EGLN1: variants seen among roughly 807,000 people sequenced by gnomAD.
The protein encoded by EGLN1 is egl-9 family hypoxia inducible factor 1, also known as egl nine homolog 1.
A neutral mutation model predicts 38.3 loss-of-function variants in EGLN1; 17 were observed. The ratio of observed to expected loss-of-function variants is 0.44; its 90% confidence interval spans 0.30 to 0.67. EGLN1 has a LOEUF of 0.67. Among genes scored for constraint, EGLN1 ranks in the 30% least tolerant of loss-of-function variants. EGLN1 has a pLI of 0.08. For synonymous variants in EGLN1, 283 were observed against 257.5 expected, an observed-to-expected ratio of 1.10 and a Z score of -0.95; for missense variants, 477 against 603.3, an observed-to-expected ratio of 0.79 and a Z score of 2.19.
Position 231,421,842 on chromosome 1 carries a change from C to A in EGLN1, c.47G>T (p.Arg16Leu). The change falls in exon 1 of 5, where the codon CGA (arginine) becomes CTA (leucine). Residue 16 changes from arginine to leucine, a missense_variant. Coordinates refer to ENST00000366641, the MANE Select transcript of EGLN1 (RefSeq NM_022051.3). This position sits in a 1 kb window ranked among gnomAD's most constrained non-coding sequence, Gnocchi z 5.5. ...GGPGGPSPSE[R>L]DRQYCELCGK... ...GCACAGCTCGCAGTACTGCCGGTCT[C>A]GCTCGCTCGGGCTCGGCCCGCCGGG... 2 of 1,513,742 alleles carry A rather than the reference C, an allele frequency of 1.3e-6. No homozygotes were observed. Among genetic ancestry groups the A allele is most frequent in the East Asian group, 2.8e-5 (1 of 36,316 alleles). 93.8% of individuals were successfully genotyped at this position (1,513,742 alleles called of 1,614,324 possible).
At chr1:231,367,469 T>C (rs1033222073) in intron 4 of EGLN1, 100 bp downstream of exon 4, 25 of 1,168,182 alleles carry the variant, frequency 2.1e-5, no homozygotes, top group Non-Finnish European at 2.8e-5. Context: ...AAAGTAAGTA[T>C]TCATGGTGTT....
chr1:231,386,546 A>G (rs1338006448), intron 1 of EGLN1, among the ~76,000 whole-genome samples: 1 of 104,020 alleles, frequency 9.6e-6, no homozygotes, highest in Non-Finnish European at 2.5e-5. Context: ...CATTCTTAGA[A>G]AAGTTACTTA....
intron 1 of EGLN1, among the ~76,000 whole-genome samples, chr1:231,383,574 A>C (rs1420241854): frequency 6.6e-6 from 1 of 152,258 alleles, no homozygotes; most frequent in Admixed American, 6.5e-5. Flanking sequence ...TACAGGGAAA[A>C]GAATATTTGC....
At chr1:231,401,761 G>A (rs1688669743) in intron 1 of EGLN1, among the ~76,000 whole-genome samples, 1 of 152,108 alleles carries the variant, frequency 6.6e-6, no homozygotes, top group African/African-American at 2.4e-5. Context: ...TATTTTTGGT[G>A]ATAATGAATA....
At chr1:231,373,230 T>G (rs2790893) in intron 2 of EGLN1, among the ~76,000 whole-genome samples, 83,058 of 151,934 alleles carry the variant, frequency 0.55, 24,328 homozygotes, top group Middle Eastern at 0.66. Flanking sequence ...AGGGAAAGAC[T>G]GAATCCTGCC....
chr1:231,401,445 T>C (rs542536481), intron 1 of EGLN1, among the ~76,000 whole-genome samples: 27 of 152,280 alleles, frequency 1.8e-4, no homozygotes, highest in African/African-American at 5.8e-4. Context: ...CCAGCAATTA[T>C]AGTCTAGAAA....
chr1:231,379,008 C>A (rs953248313), intron 1 of EGLN1, among the ~76,000 whole-genome samples: 1 of 152,042 alleles, frequency 6.6e-6, no homozygotes, highest in Admixed American at 6.6e-5. Context: ...TTACAGCAAA[C>A]CTTAGGTAGG....
intron 1 of EGLN1, among the ~76,000 whole-genome samples, chr1:231,385,313 G>C (rs575666868): frequency 2.0e-5 from 3 of 152,190 alleles, no homozygotes; most frequent in Non-Finnish European, 4.4e-5. Context: ...TAGGAAGTGT[G>C]AGTAGAACAG....
At chr1:231,400,441 CTA>C (rs1178741382) in intron 1 of EGLN1, among the ~76,000 whole-genome samples, 6 of 152,148 alleles carry the variant, frequency 3.9e-5, no homozygotes, top group African/African-American at 1.2e-4. Flanking sequence ...CTTACAGAAA[CTA>C]TGACACCCTC....
chr1:231,392,241 C>T (rs1441372797), intron 1 of EGLN1, among the ~76,000 whole-genome samples: 2 of 151,918 alleles, frequency 1.3e-5, no homozygotes, highest in African/African-American at 2.4e-5. Context: ...TAGCCGAGAT[C>T]GCGCCACTGC....
At chr1:231,406,972 C>T (rs1399633068) in intron 1 of EGLN1, among the ~76,000 whole-genome samples, 1 of 152,114 alleles carries the variant, frequency 6.6e-6, no homozygotes, top group Non-Finnish European at 1.5e-5. Flanking sequence ...TTGTAACCAC[C>T]CAAAACTACA....
In EGLN1 at chr1:231,421,661, G is replaced by T; in HGVS notation, c.228C>A (p.Gly76=). 2 of 1,466,166 alleles carry T rather than the reference G, an allele frequency of 1.4e-6. No homozygotes were observed. Among genetic ancestry groups the T allele is most frequent in the South Asian group, 2.6e-5 (2 of 77,042 alleles). 90.8% of individuals were successfully genotyped at this position (1,466,166 alleles called of 1,614,324 possible). ...GCGGCACTGCAGCCGGCGGCGCGGG[G>T]CCGGAATGCTGGTGTGGGCCCACTC... The part of the protein sequence containing the change: ...GHGVGPHQHS[G]PAPPAAVPPP... Residue 76 remains glycine (G), a synonymous_variant, in exon 1 of 5, where the codon GGC becomes GGA. Coordinates refer to ENST00000366641, the MANE Select transcript of EGLN1 (RefSeq NM_022051.3). The surrounding 1 kb of genome is among the most constrained non-coding windows in gnomAD (Gnocchi z 5.5).
At position 231,421,662 on chromosome 1, in the gene EGLN1, C is replaced by A. The variant is rs367712964; in HGVS notation, c.227G>T (p.Gly76Val). ...GHGVGPHQHS[G>V]PAPPAAVPPP... ...CGGCACTGCAGCCGGCGGCGCGGGG[C>A]CGGAATGCTGGTGTGGGCCCACTCC... Residue 76 changes from glycine (G) to valine (V), a missense_variant, in exon 1 of 5, where the codon GGC (glycine) becomes GTC (valine). Around this residue, in one of 4 missense-constraint regions of EGLN1, gnomAD observed 298 missense variants for 288.9 expected, o/e 1.03. Coordinates refer to ENST00000366641, the MANE Select transcript of EGLN1 (RefSeq NM_022051.3). The surrounding 1 kb of genome is among the most constrained non-coding windows in gnomAD (Gnocchi z 5.5). 6.8e-7 allele frequency: 1 copy of A among 1,466,276 alleles called. No homozygotes were observed. The highest frequency in any genetic ancestry group is 9.0e-7 in the Non-Finnish European group (1 of 1,113,288). 90.8% of individuals were successfully genotyped at this position (1,466,276 alleles called of 1,614,324 possible).
intron 1 of EGLN1, among the ~76,000 whole-genome samples, chr1:231,376,473 C>T (rs1300810549): frequency 6.6e-6 from 1 of 152,084 alleles, no homozygotes; most frequent in Non-Finnish European, 1.5e-5. Context: ...TTATAATTGT[C>T]CTATTTTACT....
intron 1 of EGLN1, among the ~76,000 whole-genome samples, chr1:231,397,837 T>C (rs1036439215): frequency 6.6e-6 from 1 of 152,092 alleles, no homozygotes; most frequent in Non-Finnish European, 1.5e-5. Context: ...AGGGGCCAAA[T>C]AGAAATGTTC....
intron 1 of EGLN1, among the ~76,000 whole-genome samples, chr1:231,392,026 G>A (rs182852346): frequency 7.8e-4 from 119 of 152,314 alleles, no homozygotes; most frequent in Non-Finnish European, 1.5e-3. Context: ...GGTGGCTCAC[G>A]CCTGTAATCC....
At chr1:231,378,867 T>C (rs564601359) in intron 1 of EGLN1, among the ~76,000 whole-genome samples, 1 of 152,342 alleles carries the variant, frequency 6.6e-6, no homozygotes, top group Admixed American at 6.5e-5. Flanking sequence ...GTTTACTATC[T>C]GAAAATTTAT....
At chr1:231,383,539 T>G (rs1688124789) in intron 1 of EGLN1, among the ~76,000 whole-genome samples, 1 of 152,190 alleles carries the variant, frequency 6.6e-6, no homozygotes, top group African/African-American at 2.4e-5. Context: ...AATAGAAGTT[T>G]TCCAGAGTAG....
intron 1 of EGLN1, among the ~76,000 whole-genome samples, chr1:231,398,753 G>GA (rs898794304): frequency 1.4e-5 from 2 of 139,704 alleles, no homozygotes; most frequent in African/African-American, 5.1e-5. Flanking sequence ...GCTACTGGGG[G>GA]AAAAAATACA....
Sources: gnomAD v4.1 joint callset for allele counts (sites outside exome capture counted in the v4.1 genomes callset) on GRCh38, gnomAD v4.1.1 for gene constraint, gnomAD v4.1.1 regional missense constraint, Gnocchi (gnomAD v3.1) non-coding constraint, MANE v1.5 for transcripts, NCBI Gene and HGNC (gene_info 2026-07-23, HGNC 2026-07-21) for gene names.